CHRDL2: variants seen among roughly 807,000 people sequenced by gnomAD.
The protein encoded by CHRDL2 is chordin like 2.
In CHRDL2, 41 loss-of-function variants were observed where a neutral mutation model predicts 54.3. That is an observed-to-expected ratio of 0.76 (90% CI 0.59 to 0.98). The LOEUF (loss-of-function observed/expected upper bound fraction) is 0.98, where lower values mean the gene tolerates loss of function less well. CHRDL2 is among the 50% of genes least tolerant of loss of function. The pLI is 0.00. For synonymous variants in CHRDL2, 220 were observed against 224.3 expected (o/e 0.98, Z 0.17); for missense variants, 518 against 562.4 (o/e 0.92, Z 0.80).
chr11:74,710,517 C>T (rs945501462), intron 4 of CHRDL2, among the ~76,000 whole-genome samples: 5 of 152,224 alleles, frequency 3.3e-5, no homozygotes, highest in African/African-American at 4.8e-5. Context: ...TTCATTCTCT[C>T]ATTCAATAAT....
intron 1 of CHRDL2, 57 bp downstream of exon 1, chr11:74,730,750 C>T (rs1261990347): frequency 4.0e-6 from 6 of 1,496,984 alleles, no homozygotes; most frequent in Non-Finnish European, 1.8e-6. Flanking sequence ...GGCGCTGTCC[C>T]TCACATTCCA....
intron 1 of CHRDL2, 108 bp downstream of exon 1, chr11:74,730,699 C>A: frequency 9.5e-7 from 1 of 1,050,444 alleles, no homozygotes; most frequent in South Asian, 1.4e-5. Context: ...GGCACAGGTG[C>A]TGCCTGGACG....
chr11:74,721,843 A>G (rs756382523), intron 1 of CHRDL2, among the ~76,000 whole-genome samples: 2 of 152,260 alleles, frequency 1.3e-5, no homozygotes, highest in Non-Finnish European at 2.9e-5. Context: ...TTCTGCATAG[A>G]TACTTTATGA....
At chr11:74,724,892 G>A (rs574582429) in intron 1 of CHRDL2, among the ~76,000 whole-genome samples, 18 of 152,300 alleles carry the variant, frequency 1.2e-4, no homozygotes, top group Middle Eastern at 6.8e-3. Flanking sequence ...CATAGAGTTC[G>A]TGCCTGATGA....
At chr11:74,701,433 C>A in intron 9 of CHRDL2, 1 of 541,744 alleles carries the variant, frequency 1.8e-6, no homozygotes, top group East Asian at 2.9e-5. Flanking sequence ...TTCAGAGCCA[C>A]GAAGCCAGCA....
chr11:74,709,342 G>C (rs2034113285), intron 4 of CHRDL2, among the ~76,000 whole-genome samples: 2 of 152,188 alleles, frequency 1.3e-5, no homozygotes, highest in African/African-American at 4.8e-5. Context: ...TTGGAGCCAG[G>C]TGGCCTTGGG....
rs2033942057 is a variant in CHRDL2 at position 74,704,582 on chromosome 11, G to A, written c.655C>T (p.Leu219Phe). 6.3e-7 allele frequency: 1 copy of A among 1,595,120 alleles called. No individual in the cohort carries two copies. Among genetic ancestry groups the A allele is most frequent in the Non-Finnish European group, 8.5e-7 (1 of 1,171,844 alleles). ...RGPGTPAPTGLSAPLSFIPRH... is the reference protein window; with the variant it reads ...RGPGTPAPTGFSAPLSFIPRH... The stretch of plus-strand genomic sequence containing the variant: ...GGGATGAAGCTCAGAGGGGCGCTGA[G>A]GCCAGTGGGGGCTGGGGTGCCCGGG... The change falls in exon 7 of 11, where the codon CTC (leucine) becomes TTC (phenylalanine). Residue 219 changes from leucine (L) to phenylalanine (F), a missense_variant. By Grantham distance (22) the Leu-to-Phe change is conservative. Transcript: ENST00000376332.
At chr11:74,698,032 T>C (rs7946853) in intron 9 of CHRDL2, among the ~76,000 whole-genome samples, 130,531 of 151,448 alleles carry the variant, frequency 0.86, 56,452 homozygotes, top group African/African-American at 0.92. Context: ...TGCTGGAATA[T>C]CTTCTACTAT....
At chr11:74,719,225 C>T (rs1438943061) in intron 1 of CHRDL2, 3 of 166,592 alleles carry the variant, frequency 1.8e-5, no homozygotes, top group South Asian at 1.6e-4. Context: ...CACCAGGCAG[C>T]GATGACAGCA....
chr11:74,709,383 G>A (rs532402111), intron 4 of CHRDL2, among the ~76,000 whole-genome samples: 6 of 152,208 alleles, frequency 3.9e-5, no homozygotes, highest in Non-Finnish European at 7.3e-5. Flanking sequence ...CTTACTAGCT[G>A]TGTGATCTCA....
chr11:74,696,704 G>C, intron 10 of CHRDL2, 119 bp from the exon 11 acceptor site: 1 of 729,964 alleles, frequency 1.4e-6, no homozygotes, highest in Non-Finnish European at 2.4e-6. Flanking sequence ...CCAGGGTTTG[G>C]AGCCCACAGG....
intron 1 of CHRDL2, among the ~76,000 whole-genome samples, chr11:74,722,609 G>GT (rs1267506962): frequency 6.6e-6 from 1 of 151,988 alleles, no homozygotes; most frequent in East Asian, 1.9e-4. Context: ...GTTTCCTGTG[G>GT]TGTTTCTTTG....
At chr11:74,700,800 T>A (rs1399231377) in intron 9 of CHRDL2, 1 of 151,860 alleles carries the variant, frequency 6.6e-6, no homozygotes, top group Non-Finnish European at 1.5e-5. Context: ...GCCTGGCTAA[T>A]TTTTGTATTT....
intron 9 of CHRDL2, among the ~76,000 whole-genome samples, chr11:74,702,280 C>G (rs1273469881): frequency 1.3e-5 from 2 of 151,828 alleles, no homozygotes; most frequent in Non-Finnish European, 2.9e-5. Flanking sequence ...AGAAAAAACT[C>G]CTCTTGACCT....
chr11:74,731,126 G>T lies in CHRDL2; in HGVS notation c.-238C>A. On this transcript the variant is annotated 5_prime_UTR_variant, in exon 1 of 11. Coordinates refer to ENST00000376332, the MANE Select transcript of CHRDL2 (RefSeq NM_001278473.3). The surrounding 1 kb of genome is among the most constrained non-coding windows in gnomAD (Gnocchi z 4.4). ...GAACGCGGGGAAAGGAGGGAGAGAT[G>T]GAGAGACGAAGGAAGGTCCAGCAGA... The T allele has an allele frequency of 3.7e-6, 2 of 543,624 alleles. No homozygotes were observed. The highest frequency in any genetic ancestry group is 6.6e-6 in the Non-Finnish European group (2 of 305,146). 33.7% of individuals were successfully genotyped at this position (543,624 alleles called of 1,614,324 possible).
intron 5 of CHRDL2, among the ~76,000 whole-genome samples, chr11:74,707,103 C>T (rs908933550): frequency 3.9e-5 from 6 of 152,220 alleles, no homozygotes; most frequent in African/African-American, 1.2e-4. Flanking sequence ...CCTGCAGCTT[C>T]CTAAACCCGA....
rs148649478 is a variant in CHRDL2 at position 74,713,477 on chromosome 11, G to T, written c.198C>A (p.Gly66=). The T allele has an allele frequency of 1.2e-6, 2 of 1,613,732 alleles. No homozygotes were observed. Among genetic ancestry groups the T allele is most frequent in the Non-Finnish European group, 1.7e-6 (2 of 1,179,694 alleles). The change falls in exon 3 of 11, where the codon GGC becomes GGA. Residue 66 remains glycine, a splice_region_variant and synonymous_variant. Coordinates refer to ENST00000376332, the MANE Select transcript of CHRDL2 (RefSeq NM_001278473.3). ...MYCLRCTCSE[G]AHVSCYRLHC... ...GGAGGCGGTAACAACTCACATGGGC[G>T]CCCTGAAGGGGACACAAGGGTCAGC... is the stretch of plus-strand genomic sequence containing the variant.
At chr11:74,703,227 A>G in intron 8 of CHRDL2, 78 bp downstream of exon 8, 4 of 1,478,528 alleles carry the variant, frequency 2.7e-6, no homozygotes, top group South Asian at 2.7e-5. Flanking sequence ...AGATGCTCCA[A>G]GTGTCTGTGG....
intron 1 of CHRDL2, among the ~76,000 whole-genome samples, chr11:74,719,550 T>G (rs977273444): frequency 6.6e-6 from 1 of 152,164 alleles, no homozygotes; most frequent in African/African-American, 2.4e-5. Context: ...TCTGGGAGCT[T>G]TCTTGCTTTC....
Sources: allele counts gnomAD v4.1 joint callset (sites outside exome capture counted in the v4.1 genomes callset), GRCh38; gene constraint gnomAD v4.1.1; non-coding constraint Gnocchi (gnomAD v3.1); transcripts MANE v1.5; gene names NCBI Gene and HGNC (gene_info 2026-07-23, HGNC 2026-07-21).